The following NEMF variants were observed in gnomAD, a reference collection of about 807,000 sequenced individuals.
NEMF encodes the protein ribosome quality control complex subunit NEMF.
A neutral mutation model predicts 162.2 loss-of-function variants in NEMF; 89 were observed. The observed-to-expected ratio is 0.55, with a 90% CI of 0.46 to 0.65. The LOEUF (loss-of-function observed/expected upper bound fraction) is 0.65, where lower values mean the gene tolerates loss of function less well. Ranked by LOEUF, NEMF falls within the 30% of genes least tolerant of loss-of-function variation. NEMF has a pLI of 0.00. For missense variants in NEMF, 1,133 were observed against 1,261.9 expected (o/e 0.90, Z 1.55); for synonymous variants, 421 against 404.5 (o/e 1.04, Z -0.49).
intron 6 of NEMF, among the ~76,000 whole-genome samples, chr14:49,835,196 G>A (rs191132505): frequency 3.0e-5 from 4 of 134,346 alleles, no homozygotes; most frequent in Non-Finnish European, 4.7e-5. Flanking sequence ...GTGAAACTCC[G>A]TCCCCCGCCC....
chr14:49,826,638 T>A (rs1370945160), intron 15 of NEMF, among the ~76,000 whole-genome samples: 2 of 150,904 alleles, frequency 1.3e-5, no homozygotes, highest in Non-Finnish European at 2.9e-5. Context: ...GAGGGCCAAG[T>A]CATGAAGGCC....
chr14:49,829,499 ACACT>A, intron 11 of NEMF, 73 bp from the exon 12 acceptor site: 1 of 1,205,396 alleles, frequency 8.3e-7, no homozygotes. Context: ...TTACTTCCCA[ACACT>A]CACTATCCTG....
At chr14:49,830,587 G>C (rs1892585130) in intron 11 of NEMF, among the ~76,000 whole-genome samples, 1 of 152,154 alleles carries the variant, frequency 6.6e-6, no homozygotes, top group Admixed American at 6.5e-5. Context: ...TTTTCACCAT[G>C]CTGGCCAGGC....
chr14:49,820,598 T>C (rs1030231109), intron 16 of NEMF: 4 of 426,360 alleles, frequency 9.4e-6, no homozygotes, highest in Non-Finnish European at 1.9e-5. Flanking sequence ...GTGAAATCCA[T>C]CTCTACAAAA....
intron 18 of NEMF, among the ~76,000 whole-genome samples, chr14:49,810,682 G>C (rs1891434866): frequency 6.6e-6 from 1 of 151,886 alleles, no homozygotes; most frequent in South Asian, 2.1e-4. Flanking sequence ...CTCCATCTCT[G>C]AAAAAATAAA....
intron 16 of NEMF, among the ~76,000 whole-genome samples, chr14:49,822,537 A>G (rs1201750196): frequency 6.6e-6 from 1 of 150,818 alleles, no homozygotes; most frequent in African/African-American, 2.4e-5. Flanking sequence ...AAAAAAAAGT[A>G]ATAATGGCAG....
intron 26 of NEMF, among the ~76,000 whole-genome samples, chr14:49,790,234 G>C (rs1446945829): frequency 7.2e-5 from 11 of 152,038 alleles, no homozygotes; most frequent in Non-Finnish European, 1.6e-4. Context: ...CATCAAAAAA[G>C]ACTATTAAAA....
Position 49,806,001 on chromosome 14 carries a change from AG to A in NEMF, c.1857+19del, listed in dbSNP as rs1566665037. 2 of 1,542,580 alleles carry A rather than the reference AG, an allele frequency of 1.3e-6. No individual in the cohort carries two copies. Among genetic ancestry groups the A allele is most frequent in the South Asian group, 1.1e-5 (1 of 87,474 alleles). ...AGTAGCTCTTAGTAAATTAAGAAAA[AG>A]GACAAGAGCCCTTATTACCTGATGA... is the stretch of plus-strand genomic sequence containing the variant. On this transcript the variant is annotated intron_variant, in intron 19 of 32. Transcript: ENST00000298310.
chr14:49,851,190 C>T (rs572948547), intron 3 of NEMF, among the ~76,000 whole-genome samples: 1 of 152,074 alleles, frequency 6.6e-6, no homozygotes, highest in African/African-American at 2.4e-5. Flanking sequence ...GGTGACAGAG[C>T]GAGACTCCTT....
In NEMF at chr14:49,826,221, G is replaced by C. The variant is rs75572144; in HGVS notation, c.1489-266C>G. On this transcript the variant is annotated intron_variant, in intron 15 of 32. Coordinates refer to ENST00000298310, the MANE Select transcript of NEMF (RefSeq NM_004713.6). ...AGACCTACAAAGTAATAAATACCTT[G>C]TCATTTTCTAGATACTGAGTACCTA... Among the ~76,000 whole-genome samples the C allele has an allele frequency of 8.7e-4, 132 of 152,152 alleles. 1 individual carries two copies. The East Asian group carries it at 0.023, about 27-fold the overall frequency.
At chr14:49,844,764 C>CACACACACACAT (rs144835038) in intron 4 of NEMF, 40 of 329,392 alleles carry the variant, frequency 1.2e-4, no homozygotes, top group African/African-American at 9.0e-4. Context: ...CACACACACA[C>CACACACACACAT]ATATATTTTT....
intron 20 of NEMF, 39 bp downstream of exon 20, chr14:49,803,198 T>C (rs761618763): frequency 7.2e-6 from 10 of 1,387,046 alleles, no homozygotes; most frequent in African/African-American, 1.4e-5. Flanking sequence ...CCATAATCCA[T>C]TGACAAGTCT....
At chr14:49,852,429 G>T (rs562127872) in intron 1 of NEMF, among the ~76,000 whole-genome samples, 1 of 152,254 alleles carries the variant, frequency 6.6e-6, no homozygotes, top group Non-Finnish European at 1.5e-5. Flanking sequence ...GGACAACCCA[G>T]GCCAACAATG....
At chr14:49,800,835 A>G (rs527483998) in intron 22 of NEMF, 139 bp from the exon 23 acceptor site, 1 of 736,540 alleles carries the variant, frequency 1.4e-6, no homozygotes, top group South Asian at 1.8e-5. Context: ...ATCATTCCCA[A>G]AGGGTACTCT....
At chr14:49,844,234 C>T (rs1051866735) in intron 4 of NEMF, among the ~76,000 whole-genome samples, 1 of 152,106 alleles carries the variant, frequency 6.6e-6, no homozygotes, top group Non-Finnish European at 1.5e-5. Context: ...AACTGTTCCA[C>T]CTCAGATCAT....
intron 16 of NEMF, among the ~76,000 whole-genome samples, chr14:49,823,388 T>C (rs1025125548): frequency 1.3e-5 from 2 of 151,506 alleles, no homozygotes; most frequent in Admixed American, 6.6e-5. Context: ...TTTATTTTTT[T>C]AAAAAGGGTA....
Position 49,795,776 on chromosome 14 carries a change from C to T in NEMF, c.2619+15G>A, listed in dbSNP as rs771351741. On this transcript the variant is annotated intron_variant, in intron 26 of 32. Coordinates refer to ENST00000298310, the MANE Select transcript of NEMF (RefSeq NM_004713.6). ...CAAATTAACTGTGAACCATATAGAT[C>T]ATCCTGAAGTTTACCTTTTGTCCTC... The T allele has an allele frequency of 1.1e-5, 18 of 1,599,226 alleles. No homozygotes were observed. The highest frequency in any genetic ancestry group is 1.5e-5 in the Non-Finnish European group (18 of 1,176,220).
chr14:49,840,963 G>T, intron 4 of NEMF, 97 bp from the exon 5 acceptor site: 1 of 995,934 alleles, frequency 1.0e-6, no homozygotes, highest in Non-Finnish European at 1.4e-6. Flanking sequence ...GTGGAAGGCC[G>T]AGGCAGGCAG....
rs1889939975 is a variant in NEMF, at chr14:49,782,253, G to A, written c.*2383C>T. ...TTAAGATTTTACTTCTCGCCATGAT[G>A]TTTTGGTCTGAACTACCTTAAGATC... is the stretch of plus-strand genomic sequence containing the variant. On this transcript the variant is annotated 3_prime_UTR_variant, in exon 33 of 33. Coordinates refer to ENST00000298310, the MANE Select transcript of NEMF (RefSeq NM_004713.6). 1 of 598,420 alleles carries A rather than the reference G, an allele frequency of 1.7e-6. No individual in the cohort carries two copies. The highest frequency in any genetic ancestry group is 3.0e-6 in the Non-Finnish European group (1 of 335,908). The allele number at this position is 598,420 out of a possible 1,614,324, so 37.1% of individuals were successfully genotyped here. A position where few individuals can be genotyped will look rare whatever the true frequency, so the allele number is the denominator to read the frequency against.
Sources: gnomAD v4.1 joint callset for allele counts (sites outside exome capture counted in the v4.1 genomes callset) on GRCh38, gnomAD v4.1.1 for gene constraint, MANE v1.5 for transcripts, NCBI Gene and HGNC (gene_info 2026-07-23, HGNC 2026-07-21) for gene names.